The following CPPED1 variants were observed in gnomAD, a reference collection of about 807,000 sequenced individuals.
The protein encoded by CPPED1 is calcineurin like phosphoesterase domain containing 1, also known as serine/threonine-protein phosphatase CPPED1.
Under a neutral mutation model 28.0 loss-of-function variants are expected in CPPED1, and 28 were observed. That is an observed-to-expected ratio of 1.00 (90% confidence interval 0.74 to 1.37). The LOEUF (loss-of-function observed/expected upper bound fraction) is 1.37. Ranked by LOEUF, CPPED1 falls within the 40% of genes most tolerant of loss-of-function variation. The probability of loss-of-function intolerance (pLI) is 0.00; values close to 1 mark genes in which losing one functional copy is unlikely to be tolerated. For synonymous variants in CPPED1, 198 were observed against 180.2 expected, an observed-to-expected ratio of 1.10 and a Z score of -0.79; for missense variants, 504 against 416.5, an observed-to-expected ratio of 1.21 and a Z score of -1.83.
At chr16:12,773,529 C>G (rs556072969) in intron 2 of CPPED1, among the ~76,000 whole-genome samples, 1 of 152,130 alleles carries the variant, frequency 6.6e-6, no homozygotes, top group Non-Finnish European at 1.5e-5. Context: ...TCAAGACCAG[C>G]CTAGGCAACA....
chr16:12,740,498 G>A (rs980684756), intron 2 of CPPED1, among the ~76,000 whole-genome samples: 4 of 151,678 alleles, frequency 2.6e-5, no homozygotes, highest in Non-Finnish European at 5.9e-5. Context: ...AGTATTCCTA[G>A]TGCATACCAA....
intron 2 of CPPED1, among the ~76,000 whole-genome samples, chr16:12,717,699 G>A (rs2080114840): frequency 6.6e-6 from 1 of 152,088 alleles, no homozygotes. Flanking sequence ...GGAGTACAGA[G>A]GCACAAATCT....
intron 2 of CPPED1, among the ~76,000 whole-genome samples, chr16:12,743,518 T>C (rs2080267066): frequency 1.3e-5 from 2 of 152,154 alleles, no homozygotes; most frequent in South Asian, 4.1e-4. Flanking sequence ...ATTGAAACAA[T>C]GTAATTTTTA....
intron 2 of CPPED1, among the ~76,000 whole-genome samples, chr16:12,737,689 G>A (rs1195998903): frequency 1.3e-5 from 2 of 152,340 alleles, no homozygotes; most frequent in East Asian, 3.9e-4. Context: ...AACTGTGTGA[G>A]GCTGCAGTGG....
intron 2 of CPPED1, among the ~76,000 whole-genome samples, chr16:12,720,089 A>T (rs2080131074): frequency 6.6e-6 from 1 of 152,202 alleles, no homozygotes; most frequent in Admixed American, 6.5e-5. Context: ...GACTTCATAT[A>T]GTTCTGGACA....
chr16:12,726,921 G>T (rs766434920), intron 2 of CPPED1, among the ~76,000 whole-genome samples: 5 of 152,210 alleles, frequency 3.3e-5, no homozygotes, highest in Non-Finnish European at 7.3e-5. Context: ...GCCTGGGAGA[G>T]GGTGGTGAAT....
rs773839952 is a variant in CPPED1 at position 12,664,883 on chromosome 16, G to A, written c.*3C>T. On this transcript the variant is annotated 3_prime_UTR_variant, in exon 4 of 4. Transcript: ENST00000381774. This position sits in a 1 kb window ranked among gnomAD's most constrained non-coding sequence, Gnocchi z 4.2. ...GAAAAGTGAACGGGAACGGGAAGGAGCGTCATTTTTTCTTGATCAAATCCA... is the reference window on the plus strand; with the variant it reads ...GAAAAGTGAACGGGAACGGGAAGGAACGTCATTTTTTCTTGATCAAATCCA... 13 of 1,607,516 alleles carry A rather than the reference G, an allele frequency of 8.1e-6. No homozygotes were observed. The highest frequency in any genetic ancestry group is 1.1e-5 in the Non-Finnish European group (13 of 1,177,894).
Position 12,665,113 on chromosome 16 carries a change from C to T in CPPED1, c.718G>A (p.Val240Ile), listed in dbSNP as rs997229328. 18 of 1,590,676 alleles carry T rather than the reference C, an allele frequency of 1.1e-5. No individual in the cohort carries two copies. The highest frequency in any genetic ancestry group is 1.5e-5 in the Non-Finnish European group (18 of 1,173,206). The change falls in exon 4 of 4, where the codon GTC becomes ATC. Residue 240 changes from valine (V) to isoleucine (I), a missense_variant and splice_region_variant. By Grantham distance (29) the Val-to-Ile change is conservative. Coordinates refer to ENST00000381774, the MANE Select transcript of CPPED1 (RefSeq NM_018340.3). Reference protein sequence around the residue: ...KLADKFIHAGVKVVFSGHYHR... With the variant: ...KLADKFIHAGIKVVFSGHYHR... Reference sequence around the variant, plus strand: ...TAGTGGCCTGAGAACACGACTTTGACACCTGCAGAGAAGGGAAAAAGTCAT... The same window carrying T: ...TAGTGGCCTGAGAACACGACTTTGATACCTGCAGAGAAGGGAAAAAGTCAT...
chr16:12,706,802 G>A (rs77940230), intron 2 of CPPED1, among the ~76,000 whole-genome samples: 5,121 of 152,180 alleles, frequency 0.034, 123 homozygotes, highest in East Asian at 0.1. Flanking sequence ...TGAGCAGACT[G>A]GGCTTCAGAC....
At chr16:12,743,600 C>T (rs2080267386) in intron 2 of CPPED1, among the ~76,000 whole-genome samples, 1 of 152,224 alleles carries the variant, frequency 6.6e-6, no homozygotes, top group African/African-American at 2.4e-5. Context: ...CCTGTAAATA[C>T]ACAAAGTACT....
chr16:12,778,068 C>A (rs2080508374), intron 2 of CPPED1, among the ~76,000 whole-genome samples: 1 of 151,656 alleles, frequency 6.6e-6, no homozygotes, highest in Non-Finnish European at 1.5e-5. Context: ...CGCCACCATG[C>A]TGAGCTAATT....
intron 2 of CPPED1, among the ~76,000 whole-genome samples, chr16:12,765,380 G>C (rs2080432578): frequency 6.6e-6 from 1 of 152,182 alleles, no homozygotes; most frequent in Non-Finnish European, 1.5e-5. Flanking sequence ...CTGGCTGCTA[G>C]ATATTTATAG....
chr16:12,737,211 A>G (rs559035865), intron 2 of CPPED1, among the ~76,000 whole-genome samples: 7 of 152,138 alleles, frequency 4.6e-5, no homozygotes, highest in South Asian at 4.2e-4. Flanking sequence ...AATAATAATA[A>G]TAAAAAAAAT....
intron 2 of CPPED1, among the ~76,000 whole-genome samples, chr16:12,711,662 C>A (rs1377259840): frequency 1.3e-5 from 2 of 152,162 alleles, no homozygotes; most frequent in Middle Eastern, 3.4e-3. Context: ...CTAATAGGAG[C>A]CCCCATGATG....
At chr16:12,697,419 C>T (rs956756334) in intron 3 of CPPED1, among the ~76,000 whole-genome samples, 5 of 152,098 alleles carry the variant, frequency 3.3e-5, no homozygotes, top group Non-Finnish European at 4.4e-5. Context: ...ATGTGCCTCA[C>T]CCAGGCACGC....
At chr16:12,701,167 TG>T (rs2080018402) in intron 3 of CPPED1, among the ~76,000 whole-genome samples, 2 of 151,564 alleles carry the variant, frequency 1.3e-5, no homozygotes, top group Non-Finnish European at 2.9e-5. Context: ...AATCCAGGGC[TG>T]CAGTGAGCTA....
chr16:12,724,959 TGTATTTTTA>T (rs1245086193), intron 2 of CPPED1, among the ~76,000 whole-genome samples: 2 of 150,222 alleles, frequency 1.3e-5, no homozygotes, highest in African/African-American at 4.9e-5. Flanking sequence ...GCTAATTTTT[TGTATTTTTA>T]GTAGAGACGG....
At chr16:12,677,272 C>T (rs1275221062) in intron 3 of CPPED1, among the ~76,000 whole-genome samples, 3 of 152,222 alleles carry the variant, frequency 2.0e-5, no homozygotes, top group South Asian at 2.1e-4. Flanking sequence ...AGAGGATAGG[C>T]GAGGGCGGGG....
rs1057229693 is a variant in CPPED1, at chr16:12,662,387, T to A, written c.*2499A>T. On this transcript the variant is annotated 3_prime_UTR_variant, in exon 4 of 4. Transcript: ENST00000381774. ...ATTAATATGATTCTCTCTTCCCTTT[T>A]AAAAAATTAAATTTGTATAAATATA... The A allele has an allele frequency of 6.6e-6, 1 of 152,234 alleles. No individual in the cohort carries two copies. Among genetic ancestry groups the A allele is most frequent in the African/African-American group, 2.4e-5 (1 of 41,470 alleles). 9.4% of individuals were successfully genotyped at this position (152,234 alleles called of 1,614,324 possible).
Sources: allele counts gnomAD v4.1 joint callset (sites outside exome capture counted in the v4.1 genomes callset), GRCh38; gene constraint gnomAD v4.1.1; non-coding constraint Gnocchi (gnomAD v3.1); transcripts MANE v1.5; gene names NCBI Gene and HGNC (gene_info 2026-07-23, HGNC 2026-07-21).